PUDP: variants seen among roughly 807,000 people sequenced by gnomAD.
The protein encoded by PUDP is pseudouridine-5'-phosphatase.
In PUDP, 8 loss-of-function variants were observed where a neutral mutation model predicts 9.4. The observed-to-expected ratio is 0.85, with a 90% CI of 0.50 to 1.53. The LOEUF (loss-of-function observed/expected upper bound fraction) is 1.53, where lower values mean the gene tolerates loss of function less well. Ranked by LOEUF, PUDP falls within the 40% of genes most tolerant of loss-of-function variation. The pLI is 0.00. For synonymous variants in PUDP, 99 were observed against 80.7 expected (o/e 1.23, Z -1.22); for missense variants, 188 against 189.7 (o/e 0.99, Z 0.05).
chrX:7,040,143 G>A (rs1183856215), intron 1 of PUDP, among the ~76,000 whole-genome samples: 1 of 112,042 alleles, frequency 8.9e-6, no homozygotes, highest in African/African-American at 3.2e-5. Flanking sequence ...CCCAGCACCC[G>A]TGGTCAGCCC....
At chrX:7,120,890 AAG>A (rs1932324324) in intron 1 of PUDP, among the ~76,000 whole-genome samples, 1 of 112,286 alleles carries the variant, frequency 8.9e-6, no homozygotes, top group Non-Finnish European at 1.9e-5. Context: ...AGATTAAAAA[AAG>A]AACATATACT....
chrX:7,119,924 C>T (rs1445294315), intron 1 of PUDP, among the ~76,000 whole-genome samples: 1 of 111,818 alleles, frequency 8.9e-6, no homozygotes. Flanking sequence ...AGGTTTTATA[C>T]ATAGAACGCA....
At chrX:6,919,336 T>C (rs1404396960) in intron 3 of PUDP, among the ~76,000 whole-genome samples, 1 of 111,642 alleles carries the variant, frequency 9.0e-6, no homozygotes, top group African/African-American at 3.3e-5. Context: ...AAAACATAAA[T>C]AAATTTACCA....
At chrX:7,044,756 A>T (rs80093896), downstream of PUDP, among the ~76,000 whole-genome samples, 1 of 112,613 alleles carries the variant, frequency 8.9e-6, no homozygotes, top group Non-Finnish European at 1.9e-5. Flanking sequence ...GCAGAAATTT[A>T]GAGTTATTTT....
intron 2 of PUDP, among the ~76,000 whole-genome samples, chrX:7,105,031 A>G (rs1452227025): frequency 9.0e-6 from 1 of 111,557 alleles, no homozygotes; most frequent in East Asian, 2.8e-4. Flanking sequence ...AAGGAGCGTC[A>G]GGCAAGCCCG....
At chrX:6,830,719 A>G (rs980590125) in intron 3 of PUDP, among the ~76,000 whole-genome samples, 1 of 112,453 alleles carries the variant, frequency 8.9e-6, no homozygotes, top group Non-Finnish European at 1.9e-5. Flanking sequence ...TGTTTTGCAC[A>G]AAAAAGAATT....
intron 1 of PUDP, among the ~76,000 whole-genome samples, chrX:7,014,741 A>G (rs1168930082): frequency 8.9e-6 from 1 of 112,070 alleles, no homozygotes; most frequent in African/African-American, 3.3e-5. Flanking sequence ...CAGCCAAAAA[A>G]TTAGAGATTA....
intron 3 of PUDP, among the ~76,000 whole-genome samples, chrX:7,065,262 A>G (rs978311866): frequency 1.8e-5 from 2 of 112,262 alleles, no homozygotes; most frequent in African/African-American, 6.5e-5. Flanking sequence ...ACCGTTCCCT[A>G]CCTGCTGGGT....
chrX:6,951,263 ATCT>A (rs1928553651), intron 3 of PUDP, among the ~76,000 whole-genome samples: 1 of 108,779 alleles, frequency 9.2e-6, no homozygotes, highest in Non-Finnish European at 1.9e-5. Flanking sequence ...CTATCTATCT[ATCT>A]ATCTATCTAA....
intron 3 of PUDP, among the ~76,000 whole-genome samples, chrX:7,075,419 C>T (rs925209739): frequency 4.5e-5 from 5 of 111,467 alleles, no homozygotes; most frequent in African/African-American, 6.5e-5. Flanking sequence ...GCAGGAGAAT[C>T]GCTTGAACCC....
At chrX:7,139,709 T>C (rs1381409027) in intron 1 of PUDP, among the ~76,000 whole-genome samples, 1 of 112,234 alleles carries the variant, frequency 8.9e-6, no homozygotes, top group Non-Finnish European at 1.9e-5. Context: ...TGCTCTGTCC[T>C]TGAACAGCTA....
At chrX:7,119,754 T>TA (rs1450118334) in intron 1 of PUDP, among the ~76,000 whole-genome samples, 6 of 112,038 alleles carry the variant, frequency 5.4e-5, no homozygotes, top group African/African-American at 1.9e-4. Flanking sequence ...TATTTAAATT[T>TA]AAAAAATCAC....
At chrX:7,143,034 ACC>A (rs1932812470) in intron 1 of PUDP, among the ~76,000 whole-genome samples, 1 of 111,297 alleles carries the variant, frequency 9.0e-6, no homozygotes, top group Non-Finnish European at 1.9e-5. Context: ...TGCCACAGCC[ACC>A]CCAACCTTCA....
At chrX:6,835,568 T>C (rs1926568606) in intron 3 of PUDP, among the ~76,000 whole-genome samples, 1 of 111,413 alleles carries the variant, frequency 9.0e-6, no homozygotes, top group Non-Finnish European at 1.9e-5. Flanking sequence ...TAAACAACAA[T>C]GAAAAGATTA....
In PUDP at chrX:7,077,385, C is replaced by T. The variant is rs747528017; in HGVS notation, c.345G>A (p.Ser115=). Residue 115 remains serine (S), a synonymous_variant, in exon 3 of 4, where the codon TCG becomes TCA. Coordinates refer to ENST00000381077, the MANE Select transcript of PUDP (RefSeq NM_012080.5). ...HGIPFALATS[S]GSASFDMKTS... ...TCTTCATATCGAACGACGCGGACCC[C>T]GAGCTGGTGGCCAGTGCAAAGGGGA... 9.1e-6 allele frequency: 11 copies of T among 1,211,010 alleles called. No individual in the cohort carries two copies. The highest frequency in any genetic ancestry group is 2.2e-5 in the Admixed American group (1 of 45,979).
intron 3 of PUDP, among the ~76,000 whole-genome samples, chrX:6,729,449 A>G (rs1288488774): frequency 8.9e-6 from 1 of 112,223 alleles, no homozygotes; most frequent in African/African-American, 3.2e-5. Flanking sequence ...CCTTGGGCAC[A>G]TGTTGTCAGG....
chrX:6,847,600 C>A lies in PUDP; in HGVS notation c.*247+129533G>T, dbSNP rs766997846. On this transcript the variant is annotated intron_variant and NMD_transcript_variant, in intron 3 of 3. Transcript: ENST00000655425. ...ACTTGGCTATTTTGTGTGTCCCAGACAATGACAAAACTCTTTATGATCAGG... is the reference window on the plus strand; with the variant it reads ...ACTTGGCTATTTTGTGTGTCCCAGAAAATGACAAAACTCTTTATGATCAGG... Among the ~76,000 whole-genome samples, 8 of 112,440 alleles carry A rather than the reference C, an allele frequency of 7.1e-5. No individual in the cohort carries two copies. In the South Asian group the frequency reaches 3.0e-3, roughly 41 times the overall value.
At chrX:6,925,062 C>T (rs142692386) in intron 3 of PUDP, among the ~76,000 whole-genome samples, 1,275 of 112,025 alleles carry the variant, frequency 0.011, 6 homozygotes, top group Middle Eastern at 0.069. Flanking sequence ...CGCCTGTAAC[C>T]CCAGCACTTT....
chrX:6,925,052 C>T (rs192869043), intron 3 of PUDP, among the ~76,000 whole-genome samples: 2 of 112,201 alleles, frequency 1.8e-5, no homozygotes, highest in Admixed American at 9.5e-5. Context: ...TGGTGGCTCA[C>T]GCCTGTAACC....
Sources: gnomAD v4.1 joint callset for allele counts (sites outside exome capture counted in the v4.1 genomes callset) on GRCh38, gnomAD v4.1.1 for gene constraint, MANE v1.5 for transcripts, NCBI Gene and HGNC (gene_info 2026-07-23, HGNC 2026-07-21) for gene names.